The following DPP10 variants were observed in gnomAD, a reference collection of about 807,000 sequenced individuals.
DPP10 encodes dipeptidyl peptidase like 10.
DPP10 carries 33 observed loss-of-function variants against 120.9 expected under a neutral mutation model. That is an observed-to-expected ratio of 0.27 (90% CI 0.21 to 0.37). DPP10 has a LOEUF of 0.37. Among genes scored for constraint, DPP10 ranks in the 10% least tolerant of loss-of-function variants. The probability of loss-of-function intolerance (pLI) is 1.00; values close to 1 mark genes in which losing one functional copy is unlikely to be tolerated. For missense variants in DPP10, 816 were observed against 942.8 expected, an observed-to-expected ratio of 0.87 and a Z score of 1.76; for synonymous variants, 337 against 326.1, an observed-to-expected ratio of 1.03 and a Z score of -0.36.
intron 1 of DPP10, among the ~76,000 whole-genome samples, chr2:114,793,341 C>T (rs571613684): frequency 4.8e-4 from 73 of 152,144 alleles, no homozygotes; most frequent in African/African-American, 1.7e-3. Flanking sequence ...TGTTCCCCTC[C>T]CTGTGTCCAT....
At chr2:114,673,594 T>A (rs1698485114) in intron 1 of DPP10, among the ~76,000 whole-genome samples, 1 of 151,982 alleles carries the variant, frequency 6.6e-6, no homozygotes, top group East Asian at 1.9e-4. Context: ...AAGATGGGTC[T>A]ACAGATGCAC....
chr2:114,856,186 A>C (rs1172651007), intron 1 of DPP10, among the ~76,000 whole-genome samples: 2 of 152,176 alleles, frequency 1.3e-5, no homozygotes, highest in East Asian at 3.8e-4. Context: ...GTGTGATAAA[A>C]ATTAAAATCC....
At chr2:115,269,411 A>G (rs2105800418) in intron 1 of DPP10, among the ~76,000 whole-genome samples, 1 of 152,310 alleles carries the variant, frequency 6.6e-6, no homozygotes, top group Middle Eastern at 3.4e-3. Context: ...TCCTTTGACT[A>G]GGAATTCAGC....
intron 22 of DPP10, 106 bp downstream of exon 22, chr2:115,836,362 G>A (rs1199093173): frequency 7.3e-7 from 1 of 1,373,602 alleles, no homozygotes; most frequent in African/African-American, 1.5e-5. Context: ...TGTTATTAGA[G>A]CCTGTTTTCA....
chr2:115,257,891 A>G (rs1332407303), intron 1 of DPP10, among the ~76,000 whole-genome samples: 1 of 152,226 alleles, frequency 6.6e-6, no homozygotes, highest in East Asian at 1.9e-4. Context: ...ATTCAAAGTT[A>G]TAAAGAGTCC....
chr2:115,389,767 A>G (rs991699139), intron 3 of DPP10, among the ~76,000 whole-genome samples: 20 of 152,328 alleles, frequency 1.3e-4, no homozygotes, highest in African/African-American at 4.3e-4. Flanking sequence ...ACAAAAGAGT[A>G]GTATTCAGTT....
intron 1 of DPP10, among the ~76,000 whole-genome samples, chr2:114,880,778 A>G (rs919452984): frequency 1.3e-5 from 2 of 152,186 alleles, no homozygotes; most frequent in Non-Finnish European, 2.9e-5. Context: ...TTACAAAAGT[A>G]AAAAATGCAG....
At chr2:115,250,301 A>G (rs545676957) in intron 1 of DPP10, among the ~76,000 whole-genome samples, 28 of 152,320 alleles carry the variant, frequency 1.8e-4, no homozygotes, top group African/African-American at 6.7e-4. Context: ...ACTGCATGCA[A>G]TAGATGAGGA....
At chr2:114,656,153 G>A (rs1696952792) in intron 1 of DPP10, among the ~76,000 whole-genome samples, 1 of 152,140 alleles carries the variant, frequency 6.6e-6, no homozygotes, top group African/African-American at 2.4e-5. Context: ...TGGTGTTTGA[G>A]TCCATTGAGC....
At chr2:115,768,156 CA>C (rs1681021457) in intron 12 of DPP10, 140 bp from the exon 13 acceptor site, 2 of 660,004 alleles carry the variant, frequency 3.0e-6, no homozygotes, top group African/African-American at 3.7e-5. Flanking sequence ...AGCATACATT[CA>C]TTTTTTTAAA....
rs58468918 is a variant in DPP10, at chr2:115,631,037, C to CTTTT, written c.442-58629_442-58626dup. On this transcript the variant is annotated intron_variant, in intron 5 of 25. Transcript: ENST00000410059. ...AGCTGTAAATACATCTGATCCTGGG[C>CTTTT]TTTTTTTTTTTTTTTTTTTTTTTTG... is the stretch of plus-strand genomic sequence containing the variant. Among the ~76,000 whole-genome samples, 89 of 111,340 alleles carry CTTTT rather than the reference C, an allele frequency of 8.0e-4. 1 individual carries two copies. Among genetic ancestry groups the CTTTT allele is most frequent in the African/African-American group, 3.7e-3 (80 of 21,734 alleles). 73.0% of individuals were successfully genotyped at this position (111,340 alleles called of 152,430 possible).
intron 1 of DPP10, among the ~76,000 whole-genome samples, chr2:114,721,263 G>A (rs1202980360): frequency 1.3e-5 from 2 of 152,184 alleles, no homozygotes; most frequent in Non-Finnish European, 2.9e-5. Context: ...TGCTGAGAGG[G>A]TGCTTTGAAA....
chr2:115,591,518 C>T (rs2082662289), intron 5 of DPP10, among the ~76,000 whole-genome samples: 1 of 152,136 alleles, frequency 6.6e-6, no homozygotes, highest in Non-Finnish European at 1.5e-5. Context: ...GTCTATATCT[C>T]TGTTTTGGTA....
At chr2:115,829,080 C>G (rs765693391) in intron 21 of DPP10, among the ~76,000 whole-genome samples, 1 of 152,126 alleles carries the variant, frequency 6.6e-6, no homozygotes, top group Non-Finnish European at 1.5e-5. Context: ...GCAAACTCTT[C>G]TCAAATGCTT....
chr2:115,044,194 G>A (rs537596684), intron 1 of DPP10, among the ~76,000 whole-genome samples: 7 of 151,946 alleles, frequency 4.6e-5, no homozygotes, highest in African/African-American at 1.5e-4. Context: ...ATTGACTCAC[G>A]CTTCTGCAGG....
At chr2:115,211,425 C>T (rs1052591108) in intron 1 of DPP10, among the ~76,000 whole-genome samples, 3 of 152,112 alleles carry the variant, frequency 2.0e-5, no homozygotes, top group African/African-American at 7.2e-5. Context: ...CCATTGGTTA[C>T]TTCTTACCAG....
intron 1 of DPP10, among the ~76,000 whole-genome samples, chr2:114,969,692 T>A (rs768335490): frequency 6.6e-6 from 1 of 152,088 alleles, no homozygotes; most frequent in Non-Finnish European, 1.5e-5. Flanking sequence ...GCAATGTGAA[T>A]GGAAATGATA....
intron 1 of DPP10, among the ~76,000 whole-genome samples, chr2:115,014,654 G>T (rs1387924494): frequency 6.6e-6 from 1 of 151,648 alleles, no homozygotes; most frequent in African/African-American, 2.4e-5. Context: ...AATGATAAAG[G>T]GCATATCACC....
chr2:115,415,732 A>G (rs78605925), intron 3 of DPP10, among the ~76,000 whole-genome samples: 1,612 of 151,292 alleles, frequency 0.011, 36 homozygotes, highest in African/African-American at 0.037. Context: ...CATGCCTGCC[A>G]TAAGTGGAAT....
Sources: allele counts gnomAD v4.1 joint callset (sites outside exome capture counted in the v4.1 genomes callset), GRCh38; gene constraint gnomAD v4.1.1; transcripts MANE v1.5; gene names NCBI Gene and HGNC (gene_info 2026-07-23, HGNC 2026-07-21).